Variants in EMP2 observed in about 807,000 individuals in gnomAD.
EMP2 encodes the protein epithelial membrane protein 2.
EMP2 carries 19 observed loss-of-function variants against 13.7 expected under a neutral mutation model. The observed-to-expected ratio is 1.38, with a 90% CI of 0.97 to 2.03. EMP2 has a LOEUF of 2.03. Among genes scored for constraint, EMP2 ranks in the 30% most tolerant of loss-of-function variants. The probability of loss-of-function intolerance (pLI) is 0.00; values close to 1 mark genes in which losing one functional copy is unlikely to be tolerated. For synonymous variants in EMP2, 97 were observed against 84.7 expected, an observed-to-expected ratio of 1.15 and a Z score of -0.80; for missense variants, 253 against 220.7, an observed-to-expected ratio of 1.15 and a Z score of -0.93.
rs530964690 is a variant in EMP2 at position 10,535,075 on chromosome 16, G to T, written c.317-1983C>A. 2.0e-5 allele frequency among the ~76,000 whole-genome samples: 3 copies of T among 152,174 alleles called. No homozygotes were observed. The East Asian group carries it at 5.8e-4, about 29-fold the overall frequency. On this transcript the variant is annotated intron_variant, in intron 4 of 4. Transcript: ENST00000359543. ...GCTGGTGCCTGGATCTTCTTTCCAA[G>T]ACCTGGTTTTTCAGCTTTTCCTTTG...
At chr16:10,551,554 G>A (rs982021331) in intron 1 of EMP2, among the ~76,000 whole-genome samples, 18 of 152,212 alleles carry the variant, frequency 1.2e-4, no homozygotes, top group South Asian at 2.1e-4. Context: ...CTACAGGCAC[G>A]TGCTACTACG....
At position 10,543,655 on chromosome 16, in the gene EMP2, C is replaced by T. The variant is rs759636721; in HGVS notation, c.84G>A (p.Trp28Ter). 2 of 1,614,190 alleles carry T rather than the reference C, an allele frequency of 1.2e-6. No homozygotes were observed. Among genetic ancestry groups the T allele is most frequent in the East Asian group, 2.2e-5 (1 of 44,888 alleles). Reference protein sequence around the residue: ...LLFIATVDNAWWVGDEFFADV... With the variant: ...LLFIATVDNA ...CTGCAAAAAACTCATCTCCTACCCACCAGGCCTGTAACACAAAATGGAAAT... is the reference window on the plus strand; with the variant it reads ...CTGCAAAAAACTCATCTCCTACCCATCAGGCCTGTAACACAAAATGGAAAT... The change falls in exon 3 of 5, where the codon TGG becomes TGA. Residue 28 changes from tryptophan (W) to a stop codon, truncating the protein, a stop_gained. Transcript: ENST00000359543. LOFTEE classifies it high-confidence loss of function.
intron 2 of EMP2, 132 bp from the exon 3 acceptor site, chr16:10,543,792 G>T (rs1404251328): frequency 1.2e-6 from 1 of 820,192 alleles, no homozygotes. Context: ...TGCCTGAGGA[G>T]CTTATTCTAA....
At chr16:10,579,662 T>C (rs908951408) in intron 1 of EMP2, among the ~76,000 whole-genome samples, 22 of 151,578 alleles carry the variant, frequency 1.5e-4, no homozygotes, top group African/African-American at 5.1e-4. Context: ...CTTAAGTCCC[T>C]CTCCAAGCCC....
chr16:10,554,035 CT>C (rs34514394), intron 1 of EMP2, among the ~76,000 whole-genome samples: 219 of 138,106 alleles, frequency 1.6e-3, no homozygotes, highest in East Asian at 0.015. Context: ...TTCTTTCTTT[CT>C]TTTTTTTTTT....
rs1181426037 is a variant in EMP2, at chr16:10,531,103, C to T, written c.*1802G>A. On this transcript the variant is annotated 3_prime_UTR_variant, in exon 5 of 5. Coordinates refer to ENST00000359543, the MANE Select transcript of EMP2 (RefSeq NM_001424.6). ...TCTCCTGCCTCAGCCTCCTAAGTAG[C>T]TGGGATTACAGGCACCTGCCACCAC... is the stretch of plus-strand genomic sequence containing the variant. The T allele has an allele frequency of 1.3e-5, 2 of 151,980 alleles. No homozygotes were observed. Among genetic ancestry groups the T allele is most frequent in the Non-Finnish European group, 2.9e-5 (2 of 68,054 alleles). The allele number at this position is 151,980 out of a possible 1,614,324, so 9.4% of individuals were successfully genotyped here.
intron 1 of EMP2, among the ~76,000 whole-genome samples, chr16:10,578,335 G>A (rs2050998812): frequency 6.6e-6 from 1 of 152,196 alleles, no homozygotes; most frequent in Non-Finnish European, 1.5e-5. Flanking sequence ...GATATTATGT[G>A]AGAGGCAGAG....
At chr16:10,552,535 A>G (rs968692604) in intron 1 of EMP2, among the ~76,000 whole-genome samples, 1 of 152,220 alleles carries the variant, frequency 6.6e-6, no homozygotes, top group African/African-American at 2.4e-5. Context: ...AATACTTGCT[A>G]ATTTCTTTTT....
chr16:10,573,657 T>C (rs1383521590), intron 1 of EMP2, among the ~76,000 whole-genome samples: 1 of 152,220 alleles, frequency 6.6e-6, no homozygotes, highest in African/African-American at 2.4e-5. Context: ...AGATACTCTC[T>C]TGGTTACAGA....
intron 4 of EMP2, among the ~76,000 whole-genome samples, chr16:10,533,397 T>G (rs2050623370): frequency 6.6e-6 from 1 of 152,164 alleles, no homozygotes; most frequent in Non-Finnish European, 1.5e-5. Context: ...ACAACTGATA[T>G]TTTGTGGAAG....
At chr16:10,575,682 G>C (rs1043481973) in intron 1 of EMP2, among the ~76,000 whole-genome samples, 3 of 152,048 alleles carry the variant, frequency 2.0e-5, no homozygotes, top group African/African-American at 7.3e-5. Flanking sequence ...ATTAAAGTGA[G>C]GAAGCCAGCC....
At chr16:10,546,247 C>G (rs997936499) in intron 2 of EMP2, 1 of 152,200 alleles carries the variant, frequency 6.6e-6, no homozygotes, top group Admixed American at 6.5e-5. Flanking sequence ...TTGGTGGCCA[C>G]TCGTATGGTG....
In EMP2 at chr16:10,568,181, A is replaced by G. The variant is rs1451805872; in HGVS notation, c.-61+12368T>C. 2.0e-5 allele frequency among the ~76,000 whole-genome samples: 3 copies of G among 152,168 alleles called. No individual in the cohort carries two copies. The East Asian group carries it at 5.8e-4, about 29-fold the overall frequency. ...CTTTACTCTAAACCAATTAAATCAGAACCTCTGGGGACAGCCCCCACCAAT... is the reference window on the plus strand; with the variant it reads ...CTTTACTCTAAACCAATTAAATCAGGACCTCTGGGGACAGCCCCCACCAAT... On this transcript the variant is annotated intron_variant, in intron 1 of 4. Transcript: ENST00000359543.
chr16:10,534,597 C>G (rs975708832), intron 4 of EMP2, among the ~76,000 whole-genome samples: 1 of 152,044 alleles, frequency 6.6e-6, no homozygotes, highest in Non-Finnish European at 1.5e-5. Context: ...AAAACCTCAC[C>G]TCTACTAAAA....
chr16:10,568,786 T>C (rs964746550), intron 1 of EMP2, among the ~76,000 whole-genome samples: 3 of 142,474 alleles, frequency 2.1e-5, no homozygotes, highest in African/African-American at 2.6e-5. Context: ...TTTTCTTTTT[T>C]TTTTTTTTTT....
At chr16:10,569,637 T>C (rs1402409595) in intron 1 of EMP2, among the ~76,000 whole-genome samples, 2 of 152,194 alleles carry the variant, frequency 1.3e-5, no homozygotes, top group East Asian at 3.9e-4. Context: ...TTTTTAAACA[T>C]GCATTACGCT....
intron 3 of EMP2, among the ~76,000 whole-genome samples, chr16:10,538,765 C>CT (rs996062343): frequency 6.6e-6 from 1 of 152,094 alleles, no homozygotes; most frequent in Non-Finnish European, 1.5e-5. Flanking sequence ...GGAAGGCATC[C>CT]TGCACATGGG....
intron 3 of EMP2, 65 bp downstream of exon 3, chr16:10,543,505 C>G (rs2050716578): frequency 6.4e-7 from 1 of 1,569,958 alleles, no homozygotes; most frequent in African/African-American, 1.4e-5. Context: ...GAACCCGAAG[C>G]CTCACTCCTG....
At chr16:10,556,550 T>C (rs1372416152) in intron 1 of EMP2, among the ~76,000 whole-genome samples, 1 of 151,802 alleles carries the variant, frequency 6.6e-6, no homozygotes, top group Non-Finnish European at 1.5e-5. Context: ...GACAGAGGGG[T>C]TCAACATAAC....
Sources: gnomAD v4.1 joint callset for allele counts (sites outside exome capture counted in the v4.1 genomes callset) on GRCh38, gnomAD v4.1.1 for gene constraint, MANE v1.5 for transcripts, NCBI Gene and HGNC (gene_info 2026-07-23, HGNC 2026-07-21) for gene names.